Variants in WDR7 observed in about 807,000 individuals in gnomAD.
WDR7 encodes the protein WD repeat domain 7.
Under a neutral mutation model 169.4 loss-of-function variants are expected in WDR7, and 46 were observed. That is an observed-to-expected ratio of 0.27 (90% CI 0.21 to 0.35). The LOEUF (loss-of-function observed/expected upper bound fraction) is 0.35. Among genes scored for constraint, WDR7 ranks in the 10% least tolerant of loss-of-function variants. The probability of loss-of-function intolerance (pLI) is 1.00; values close to 1 mark genes in which losing one functional copy is unlikely to be tolerated. For synonymous variants in WDR7, 612 were observed against 666.8 expected (o/e 0.92, Z 1.27); for missense variants, 1,534 against 1,859.3 (o/e 0.83, Z 3.22).
At chr18:56,934,690 A>G (rs954804245) in intron 22 of WDR7, among the ~76,000 whole-genome samples, 1 of 152,166 alleles carries the variant, frequency 6.6e-6, no homozygotes, top group African/African-American at 2.4e-5. Flanking sequence ...ATTTTCAGCT[A>G]CAAGTTAAAA....
intron 1 of WDR7, among the ~76,000 whole-genome samples, chr18:56,652,331 C>T (rs989664454): frequency 2.0e-5 from 3 of 152,156 alleles, no homozygotes; most frequent in Non-Finnish European, 4.4e-5. Context: ...GCTATAGCTT[C>T]CTCTCACTGT....
intron 19 of WDR7, among the ~76,000 whole-genome samples, chr18:56,813,362 A>G (rs2044908802): frequency 6.6e-6 from 1 of 152,134 alleles, no homozygotes. Flanking sequence ...ATCATAGGGC[A>G]AAAGCATTCA....
At chr18:56,752,463 A>G (rs1036051703) in intron 14 of WDR7, among the ~76,000 whole-genome samples, 5 of 151,984 alleles carry the variant, frequency 3.3e-5, no homozygotes, top group African/African-American at 4.8e-5. Flanking sequence ...GGCACCATTC[A>G]TCCAACATTA....
At chr18:56,665,839 G>A (rs2025008674) in intron 1 of WDR7, among the ~76,000 whole-genome samples, 1 of 152,154 alleles carries the variant, frequency 6.6e-6, no homozygotes, top group Non-Finnish European at 1.5e-5. Context: ...CAACACCCAG[G>A]GAAAGGAAAT....
At position 56,682,695 on chromosome 18, in the gene WDR7, T is replaced by A; in HGVS notation, c.362T>A (p.Val121Asp). 1 of 1,613,380 alleles carries A rather than the reference T, an allele frequency of 6.2e-7. No homozygotes were observed. Among genetic ancestry groups the A allele is most frequent in the South Asian group, 1.1e-5 (1 of 91,024 alleles). The change falls in exon 5 of 28, where the codon GTT becomes GAT. Residue 121 changes from valine to aspartate, a missense_variant. Coordinates refer to ENST00000254442, the MANE Select transcript of WDR7 (RefSeq NM_015285.3). ...TGAATGTAGTTCTACCAGTTCTCTG[T>A]TGGGAATCAGCGAGAAGGAAGGCTT... ...HTGIQFYQFS[V>D]GNQREGRLLC...
chr18:56,832,744 A>G (rs968084032), intron 20 of WDR7, among the ~76,000 whole-genome samples: 6 of 152,198 alleles, frequency 3.9e-5, no homozygotes, highest in African/African-American at 1.2e-4. Context: ...CCTACAGAAG[A>G]GGGGCCTGTT....
chr18:57,028,216 A>T lies in WDR7; in HGVS notation c.*1009A>T, dbSNP rs2048395892. On this transcript the variant is annotated 3_prime_UTR_variant, in exon 28 of 28. Coordinates refer to ENST00000254442, the MANE Select transcript of WDR7 (RefSeq NM_015285.3). Reference sequence around the variant, plus strand: ...CTACTGATCAACTAAAGGAAAGCTAATAAGGTATTTCTTTTAAACAAGTAT... The same window carrying T: ...CTACTGATCAACTAAAGGAAAGCTATTAAGGTATTTCTTTTAAACAAGTAT... 1 of 152,256 alleles carries T rather than the reference A, an allele frequency of 6.6e-6. No homozygotes were observed. The highest frequency in any genetic ancestry group is 1.5e-5 in the Non-Finnish European group (1 of 68,046). 9.4% of individuals were successfully genotyped at this position (152,256 alleles called of 1,614,324 possible).
intron 26 of WDR7, among the ~76,000 whole-genome samples, chr18:56,996,227 CTG>C (rs1454226027): frequency 6.6e-6 from 1 of 152,138 alleles, no homozygotes; most frequent in Non-Finnish European, 1.5e-5. Flanking sequence ...CATCTACTGT[CTG>C]TGTGAGAGCT....
chr18:56,674,808 T>G (rs1378873111), intron 2 of WDR7, among the ~76,000 whole-genome samples: 1 of 152,198 alleles, frequency 6.6e-6, no homozygotes, highest in Non-Finnish European at 1.5e-5. Flanking sequence ...CTAGTTTTAC[T>G]TCTTACATTT....
chr18:56,877,782 A>G (rs1246149143), intron 20 of WDR7, among the ~76,000 whole-genome samples: 1 of 152,156 alleles, frequency 6.6e-6, no homozygotes, highest in Non-Finnish European at 1.5e-5. Flanking sequence ...TATATAATAG[A>G]TATAAAATTT....
intron 21 of WDR7, among the ~76,000 whole-genome samples, chr18:56,890,561 C>T (rs191720646): frequency 9.9e-4 from 150 of 152,204 alleles, no homozygotes; most frequent in African/African-American, 3.6e-3. Context: ...CAATGACAAG[C>T]CATTTGCAAA....
intron 21 of WDR7, among the ~76,000 whole-genome samples, chr18:56,905,584 C>A (rs998701077): frequency 2.6e-5 from 4 of 150,962 alleles, no homozygotes; most frequent in Admixed American, 1.3e-4. Flanking sequence ...TATTTAGTAG[C>A]AGTAACTACA....
At chr18:56,928,712 C>A (rs574922128) in intron 22 of WDR7, among the ~76,000 whole-genome samples, 2 of 152,228 alleles carry the variant, frequency 1.3e-5, no homozygotes, top group African/African-American at 4.8e-5. Flanking sequence ...ATGTCCTCAA[C>A]TTGTTTTAGA....
chr18:56,865,458 C>T (rs771159296), intron 20 of WDR7, among the ~76,000 whole-genome samples: 27 of 152,094 alleles, frequency 1.8e-4, no homozygotes, highest in Non-Finnish European at 3.4e-4. Flanking sequence ...TGATATTACA[C>T]AGTAAACTTC....
chr18:56,905,289 C>T (rs2046460558), intron 21 of WDR7, among the ~76,000 whole-genome samples: 1 of 152,166 alleles, frequency 6.6e-6, no homozygotes, highest in Admixed American at 6.6e-5. Flanking sequence ...GCTGGGACTA[C>T]AGTTTTGCAC....
At chr18:57,015,417 A>G (rs191597628) in intron 26 of WDR7, among the ~76,000 whole-genome samples, 2 of 152,326 alleles carry the variant, frequency 1.3e-5, no homozygotes, top group East Asian at 3.9e-4. Context: ...ATTTTCACAA[A>G]TTGATTGCTT....
At chr18:56,947,882 T>C (rs1321860550) in intron 25 of WDR7, among the ~76,000 whole-genome samples, 2 of 152,226 alleles carry the variant, frequency 1.3e-5, no homozygotes, top group Non-Finnish European at 1.5e-5. Context: ...AATGTCAGAA[T>C]AGAGAGGTTT....
At chr18:56,746,267 T>G (rs2043701969) in intron 14 of WDR7, among the ~76,000 whole-genome samples, 1 of 152,208 alleles carries the variant, frequency 6.6e-6, no homozygotes, top group Non-Finnish European at 1.5e-5. Flanking sequence ...TATTTTGTAT[T>G]AAAATACTTA....
At chr18:56,873,250 C>CTA (rs1418413146) in intron 20 of WDR7, among the ~76,000 whole-genome samples, 1 of 152,084 alleles carries the variant, frequency 6.6e-6, no homozygotes, top group African/African-American at 2.4e-5. Flanking sequence ...TCTTATGAGC[C>CTA]TATGTACATG....
Sources: gnomAD v4.1 joint callset for allele counts (sites outside exome capture counted in the v4.1 genomes callset) on GRCh38, gnomAD v4.1.1 for gene constraint, MANE v1.5 for transcripts, NCBI Gene and HGNC (gene_info 2026-07-23, HGNC 2026-07-21) for gene names.